The following VAV3 variants were observed in gnomAD, a reference collection of about 807,000 sequenced individuals.
VAV3 encodes the protein guanine nucleotide exchange factor VAV3.
Under a neutral mutation model 131.2 loss-of-function variants are expected in VAV3, and 94 were observed. The ratio of observed to expected loss-of-function variants is 0.72; its 90% CI spans 0.61 to 0.85. The LOEUF (loss-of-function observed/expected upper bound fraction) is 0.85, where lower values mean the gene tolerates loss of function less well. VAV3 is among the 40% of genes least tolerant of loss of function. The pLI is 0.00. For synonymous variants in VAV3, 349 were observed against 342.0 expected, an observed-to-expected ratio of 1.02 and a Z score of -0.22; for missense variants, 939 against 1,002.7, an observed-to-expected ratio of 0.94 and a Z score of 0.86.
chr1:107,589,759 ATGGG>A (rs1340462883), intron 25 of VAV3, among the ~76,000 whole-genome samples: 3 of 152,220 alleles, frequency 2.0e-5, no homozygotes, highest in Admixed American at 6.5e-5. Flanking sequence ...GCAGGTGAAT[ATGGG>A]AATGCTGAAT....
intron 15 of VAV3, among the ~76,000 whole-genome samples, chr1:107,712,725 G>T (rs1409074205): frequency 6.6e-6 from 1 of 152,152 alleles, no homozygotes; most frequent in Non-Finnish European, 1.5e-5. Flanking sequence ...GGGATATGAT[G>T]ATGAACAAAA....
intron 20 of VAV3, among the ~76,000 whole-genome samples, chr1:107,636,089 A>G (rs1654911656): frequency 6.6e-6 from 1 of 152,240 alleles, no homozygotes; most frequent in African/African-American, 2.4e-5. Context: ...CATCATTACT[A>G]TAAGGAAAGA....
At chr1:107,855,092 C>T (rs1669408871) in intron 2 of VAV3, among the ~76,000 whole-genome samples, 1 of 152,126 alleles carries the variant, frequency 6.6e-6, no homozygotes, top group South Asian at 2.1e-4. Context: ...GAATGGTACA[C>T]ATTACTGCTG....
At chr1:107,711,984 C>T (rs1434845648) in intron 15 of VAV3, among the ~76,000 whole-genome samples, 1 of 152,116 alleles carries the variant, frequency 6.6e-6, no homozygotes, top group East Asian at 1.9e-4. Flanking sequence ...CCGTGCCCGA[C>T]AACGCATTCA....
rs572135521 is a variant in VAV3, at chr1:107,576,473, G to T, written c.2351-2275C>A. ...AAAGAAAAGCCACAGAACAAAGAGGGGGCTTTGAGAAAGAAAGAAAAAGAG... is the reference window on the plus strand; with the variant it reads ...AAAGAAAAGCCACAGAACAAAGAGGTGGCTTTGAGAAAGAAAGAAAAAGAG... On this transcript the variant is annotated intron_variant, in intron 25 of 26. Transcript: ENST00000370056. 35 of 1,500,072 alleles carry T rather than the reference G, an allele frequency of 2.3e-5. No homozygotes were observed. In the South Asian group the frequency reaches 4.4e-4, roughly 19 times the overall value. The allele number at this position is 1,500,072 out of a possible 1,614,324, so 92.9% of individuals were successfully genotyped here. A position where few individuals can be genotyped will look rare whatever the true frequency, so the allele number is the denominator to read the frequency against.
chr1:107,614,535 A>G (rs933199080), intron 21 of VAV3, among the ~76,000 whole-genome samples: 1 of 152,092 alleles, frequency 6.6e-6, no homozygotes, highest in African/African-American at 2.4e-5. Flanking sequence ...CTACTAATAT[A>G]AAACAACCAT....
At chr1:107,816,850 C>T (rs1023947020) in intron 2 of VAV3, among the ~76,000 whole-genome samples, 3 of 152,140 alleles carry the variant, frequency 2.0e-5, no homozygotes, top group Admixed American at 6.5e-5. Flanking sequence ...CAGGGATGGT[C>T]CCCAAATCAC....
Position 107,755,423 on chromosome 1 carries a change from A to T in VAV3, c.1173+4T>A, listed in dbSNP as rs1365584547. On this transcript the variant is annotated splice_donor_region_variant and intron_variant, in intron 12 of 26. Coordinates refer to ENST00000370056, the MANE Select transcript of VAV3 (RefSeq NM_006113.5). Reference sequence around the variant, plus strand: ...GGAAGCTGGATGGAAAGATAATTACATACCAAATTCTCTATAGATAGCTGA... The same window carrying T: ...GGAAGCTGGATGGAAAGATAATTACTTACCAAATTCTCTATAGATAGCTGA... The T allele has an allele frequency of 3.8e-6, 6 of 1,598,954 alleles. No individual in the cohort carries two copies. Among genetic ancestry groups the T allele is most frequent in the Non-Finnish European group, 5.1e-6 (6 of 1,166,496 alleles).
At chr1:107,644,700 G>A (rs1164282311) in intron 19 of VAV3, among the ~76,000 whole-genome samples, 1 of 151,990 alleles carries the variant, frequency 6.6e-6, no homozygotes. Context: ...TTCACAGAGT[G>A]TTTAGGAAAA....
intron 5 of VAV3, 68 bp downstream of exon 5, chr1:107,772,667 T>C: frequency 7.5e-7 from 1 of 1,333,244 alleles, no homozygotes; most frequent in South Asian, 1.3e-5. Flanking sequence ...GTTACATAAA[T>C]TATTATGTTA....
At chr1:107,800,415 T>C (rs115282216) in intron 2 of VAV3, among the ~76,000 whole-genome samples, 1,628 of 152,292 alleles carry the variant, frequency 0.011, 31 homozygotes, top group African/African-American at 0.038. Flanking sequence ...TGGTTCATTG[T>C]GGTTTTAATT....
intron 25 of VAV3, among the ~76,000 whole-genome samples, chr1:107,579,930 G>A (rs1244021495): frequency 6.6e-6 from 1 of 152,108 alleles, no homozygotes; most frequent in African/African-American, 2.4e-5. Context: ...GACCTCTGCT[G>A]ACCTTAACTT....
At chr1:107,691,853 A>C (rs571787323) in intron 17 of VAV3, among the ~76,000 whole-genome samples, 1 of 152,288 alleles carries the variant, frequency 6.6e-6, no homozygotes, top group Admixed American at 6.5e-5. Flanking sequence ...CACAGAGTTC[A>C]ATGTGCATTA....
At chr1:107,933,157 T>A (rs1382189719) in intron 1 of VAV3, among the ~76,000 whole-genome samples, 2 of 152,228 alleles carry the variant, frequency 1.3e-5, no homozygotes, top group Non-Finnish European at 2.9e-5. Context: ...GACAGTACAG[T>A]GTAAATATTT....
intron 1 of VAV3, among the ~76,000 whole-genome samples, chr1:107,925,818 TAAATC>T: frequency 6.6e-6 from 1 of 151,714 alleles, no homozygotes. Context: ...TAATTAAAAA[TAAATC>T]AAAGAAAAAA....
chr1:107,588,253 G>C (rs1650657519), intron 25 of VAV3, among the ~76,000 whole-genome samples: 1 of 152,142 alleles, frequency 6.6e-6, no homozygotes, highest in Admixed American at 6.5e-5. Flanking sequence ...AAATTATGTG[G>C]ACATCATAAA....
At chr1:107,736,687 G>A (rs1662658940) in intron 15 of VAV3, among the ~76,000 whole-genome samples, 2 of 151,820 alleles carry the variant, frequency 1.3e-5, no homozygotes, top group South Asian at 4.1e-4. Flanking sequence ...ACAAACCACT[G>A]CTCAACGAAA....
chr1:107,854,179 G>A (rs912220452), intron 2 of VAV3, among the ~76,000 whole-genome samples: 4 of 152,096 alleles, frequency 2.6e-5, no homozygotes, highest in East Asian at 1.9e-4. Flanking sequence ...GCATGGTAGC[G>A]TGCGCCTGTA....
intron 2 of VAV3, among the ~76,000 whole-genome samples, chr1:107,797,846 T>C (rs1666620570): frequency 6.6e-6 from 1 of 152,180 alleles, no homozygotes; most frequent in Non-Finnish European, 1.5e-5. Context: ...CCTGGAGGAT[T>C]TGTTAAAATA....
Sources: allele counts gnomAD v4.1 joint callset (sites outside exome capture counted in the v4.1 genomes callset), GRCh38; gene constraint gnomAD v4.1.1; transcripts MANE v1.5; gene names NCBI Gene and HGNC (gene_info 2026-07-23, HGNC 2026-07-21).